NRP1: variants seen among roughly 807,000 people sequenced by gnomAD.
NRP1 encodes neuropilin-1.
Under a neutral mutation model 106.7 loss-of-function variants are expected in NRP1, and 35 were observed. That is an observed-to-expected ratio of 0.33 (90% CI 0.25 to 0.43). The LOEUF (loss-of-function observed/expected upper bound fraction) is 0.43, where lower values mean the gene tolerates loss of function less well. Ranked by LOEUF, NRP1 falls within the 20% of genes least tolerant of loss-of-function variation. The pLI is 1.00. For synonymous variants in NRP1, 437 were observed against 417.9 expected (o/e 1.05, Z -0.56); for missense variants, 1,024 against 1,170.4 (o/e 0.87, Z 1.83).
At chr10:33,219,487 G>A (rs1839056975) in intron 8 of NRP1, among the ~76,000 whole-genome samples, 1 of 152,214 alleles carries the variant, frequency 6.6e-6, no homozygotes. Context: ...CCATGATTAA[G>A]AGACTAGCAC....
chr10:33,183,754 G>A (rs1835834712), intron 15 of NRP1, among the ~76,000 whole-genome samples: 1 of 152,100 alleles, frequency 6.6e-6, no homozygotes, highest in Non-Finnish European at 1.5e-5. Flanking sequence ...ATAAATAGTT[G>A]ATAATCTCAT....
chr10:33,318,088 A>G (rs1847166265), intron 2 of NRP1, among the ~76,000 whole-genome samples: 1 of 152,164 alleles, frequency 6.6e-6, no homozygotes, highest in Non-Finnish European at 1.5e-5. Context: ...AGACACTTCC[A>G]TCTACATTAG....
At chr10:33,278,408 G>C (rs1322362156) in intron 2 of NRP1, among the ~76,000 whole-genome samples, 1 of 152,118 alleles carries the variant, frequency 6.6e-6, no homozygotes, top group Non-Finnish European at 1.5e-5. Flanking sequence ...GAAGAACGTG[G>C]TGCTAAGGAG....
At chr10:33,284,420 G>T (rs1482083449) in intron 2 of NRP1, among the ~76,000 whole-genome samples, 2 of 152,072 alleles carry the variant, frequency 1.3e-5, no homozygotes, top group African/African-American at 4.8e-5. Flanking sequence ...TTTAGTTCTT[G>T]AATTATTTGG....
chr10:33,216,116 T>C (rs144954617), intron 8 of NRP1, among the ~76,000 whole-genome samples: 416 of 151,924 alleles, frequency 2.7e-3, no homozygotes, highest in Middle Eastern at 6.8e-3. Flanking sequence ...CCATTTTATC[T>C]GCATTTCCCT....
At position 33,303,167 on chromosome 10, in the gene NRP1, A is replaced by C. The variant is rs571745856; in HGVS notation, c.248+27541T>G. Among the ~76,000 whole-genome samples, 6 of 152,306 alleles carry C rather than the reference A, an allele frequency of 3.9e-5. No homozygotes were observed. In the East Asian group the frequency reaches 1.2e-3, roughly 29 times the overall value. On this transcript the variant is annotated intron_variant, in intron 2 of 16. Coordinates refer to ENST00000374867, the MANE Select transcript of NRP1 (RefSeq NM_003873.7). ...GAAGAGTGAAGTGAGGGAGAGAACA[A>C]AGCTTTTCCTCTACCTTCTTTCTAA... is the stretch of plus-strand genomic sequence containing the variant.
chr10:33,254,213 C>T lies in NRP1; in HGVS notation c.815-19G>A, dbSNP rs779369457. ...TTGAAATCTGAAGGGAAAAACAGGGCCCACAGTCATCAAAATATAGGGGAT... is the reference window on the plus strand; with the variant it reads ...TTGAAATCTGAAGGGAAAAACAGGGTCCACAGTCATCAAAATATAGGGGAT... On this transcript the variant is annotated intron_variant, in intron 5 of 16. Transcript: ENST00000374867. 3 of 1,587,426 alleles carry T rather than the reference C, an allele frequency of 1.9e-6. No homozygotes were observed. Among genetic ancestry groups the T allele is most frequent in the Non-Finnish European group, 1.7e-6 (2 of 1,171,112 alleles).
intron 6 of NRP1, among the ~76,000 whole-genome samples, chr10:33,236,036 A>G (rs1023048601): frequency 2.0e-5 from 3 of 152,166 alleles, no homozygotes; most frequent in African/African-American, 7.2e-5. Context: ...CCAGGCAGTA[A>G]AAGATTCAGG....
At chr10:33,330,970 T>C (rs1187837417) in intron 1 of NRP1, 88 bp from the exon 2 acceptor site, 10 of 1,195,606 alleles carry the variant, frequency 8.4e-6, no homozygotes, top group Non-Finnish European at 1.2e-5. Context: ...TTATTAAACA[T>C]TCCTTAACTT....
At chr10:33,234,097 ATGC>A (rs1405584937) in intron 6 of NRP1, among the ~76,000 whole-genome samples, 8 of 152,176 alleles carry the variant, frequency 5.3e-5, no homozygotes, top group Non-Finnish European at 1.2e-4. Context: ...CCTAGAAAAA[ATGC>A]TGATGGCTAA....
At chr10:33,248,870 C>T (rs920567253) in intron 6 of NRP1, among the ~76,000 whole-genome samples, 1 of 152,190 alleles carries the variant, frequency 6.6e-6, no homozygotes, top group African/African-American at 2.4e-5. Context: ...CCATTCTCTG[C>T]TCCTCCAGAA....
chr10:33,292,985 C>CAA (rs141085175), intron 2 of NRP1, among the ~76,000 whole-genome samples: 35 of 137,336 alleles, frequency 2.5e-4, no homozygotes, highest in East Asian at 6.3e-4. Flanking sequence ...GACTCCATCT[C>CAA]AAAAAAAAAA....
chr10:33,289,171 A>G (rs1263742987), intron 2 of NRP1, among the ~76,000 whole-genome samples: 1 of 152,184 alleles, frequency 6.6e-6, no homozygotes, highest in Non-Finnish European at 1.5e-5. Flanking sequence ...ACTTTCAGAC[A>G]TTTTTTTCTA....
chr10:33,298,120 T>C (rs1845544913), intron 2 of NRP1, among the ~76,000 whole-genome samples: 1 of 152,194 alleles, frequency 6.6e-6, no homozygotes, highest in Non-Finnish European at 1.5e-5. Flanking sequence ...GAAATATTTT[T>C]TCAGTTGTTG....
At chr10:33,186,536 A>G in intron 13 of NRP1, 48 bp from the exon 14 acceptor site, 3 of 1,552,684 alleles carry the variant, frequency 1.9e-6, no homozygotes, top group Non-Finnish European at 2.6e-6. Context: ...GGATTACCAC[A>G]CTTTTATCTC....
rs564217590 is a variant in NRP1, at chr10:33,209,314, C to T, written c.1615-1598G>A. 8.5e-5 allele frequency among the ~76,000 whole-genome samples: 13 copies of T among 152,292 alleles called. No individual in the cohort carries two copies. In the East Asian group the frequency reaches 2.5e-3, roughly 29 times the overall value. ...TTCTGTATTATGGTCCTTTTACAGA[C>T]AAGGAAACTGAGGCACAGAGTAGTC... is the stretch of plus-strand genomic sequence containing the variant. On this transcript the variant is annotated intron_variant, in intron 9 of 16. Coordinates refer to ENST00000374867, the MANE Select transcript of NRP1 (RefSeq NM_003873.7).
chr10:33,332,692 T>C (rs1848367787), intron 1 of NRP1, among the ~76,000 whole-genome samples: 1 of 152,190 alleles, frequency 6.6e-6, no homozygotes, highest in Non-Finnish European at 1.5e-5. Flanking sequence ...ATAAGGTTAA[T>C]GAATTAATTT....
intron 2 of NRP1, among the ~76,000 whole-genome samples, chr10:33,297,974 T>C (rs991942715): frequency 2.0e-5 from 3 of 152,188 alleles, no homozygotes; most frequent in African/African-American, 7.2e-5. Context: ...CACATTTTCC[T>C]GTTGATACTA....
At position 33,213,725 on chromosome 10, in the gene NRP1, G is replaced by A. The variant is rs951688214; in HGVS notation, c.1283-8C>T. The A allele has an allele frequency of 1.9e-6, 3 of 1,560,438 alleles. No homozygotes were observed. Among genetic ancestry groups the A allele is most frequent in the Non-Finnish European group, 2.6e-6 (3 of 1,151,074 alleles). ...TTCCAGAGCAAGGATAATCTGGGAAGTGAAATGAAACAGATAATGTAAAAT... is the reference window on the plus strand; with the variant it reads ...TTCCAGAGCAAGGATAATCTGGGAAATGAAATGAAACAGATAATGTAAAAT... On this transcript the variant is annotated splice_polypyrimidine_tract_variant and splice_region_variant and intron_variant, in intron 8 of 16. Coordinates refer to ENST00000374867, the MANE Select transcript of NRP1 (RefSeq NM_003873.7).
Sources: allele counts gnomAD v4.1 joint callset (sites outside exome capture counted in the v4.1 genomes callset), GRCh38; gene constraint gnomAD v4.1.1; transcripts MANE v1.5; gene names NCBI Gene and HGNC (gene_info 2026-07-23, HGNC 2026-07-21).